Variants in MALRD1 observed in about 807,000 individuals in gnomAD.
MALRD1 encodes MAM and LDL-receptor class A domain-containing protein 1.
Under a neutral mutation model 242.1 loss-of-function variants are expected in MALRD1, and 247 were observed. The observed-to-expected ratio is 1.02, with a 90% CI of 0.92 to 1.13. The LOEUF (loss-of-function observed/expected upper bound fraction) is 1.13. Among genes scored for constraint, MALRD1 ranks in the 50% most tolerant of loss-of-function variants. MALRD1 has a pLI of 0.00. For synonymous variants in MALRD1, 995 were observed against 866.6 expected, an observed-to-expected ratio of 1.15 and a Z score of -2.60; for missense variants, 2,989 against 2,533.1, an observed-to-expected ratio of 1.18 and a Z score of -3.86.
chr10:19,462,358 A>G (rs1564363491), intron 29 of MALRD1, among the ~76,000 whole-genome samples: 1 of 152,236 alleles, frequency 6.6e-6, no homozygotes, highest in Non-Finnish European at 1.5e-5. Flanking sequence ...TACTGAAATT[A>G]TTCAAACTAG....
chr10:19,348,889 A>T (rs1275299710), intron 25 of MALRD1, among the ~76,000 whole-genome samples: 1 of 152,190 alleles, frequency 6.6e-6, no homozygotes, highest in Non-Finnish European at 1.5e-5. Context: ...TTCTGAACAC[A>T]TGTATTCTGA....
intron 2 of MALRD1, among the ~76,000 whole-genome samples, chr10:19,073,700 T>G (rs1225280736): frequency 6.6e-6 from 1 of 152,154 alleles, no homozygotes; most frequent in East Asian, 1.9e-4. Flanking sequence ...TGAAAAAATC[T>G]GAAATCCAAA....
chr10:19,527,976 G>A (rs1018353411), intron 31 of MALRD1, among the ~76,000 whole-genome samples: 2 of 152,060 alleles, frequency 1.3e-5, no homozygotes, highest in African/African-American at 2.4e-5. Context: ...ATAAGCCACC[G>A]TTCATAGTAG....
At chr10:19,136,139 A>G (rs1330600033) in intron 9 of MALRD1, among the ~76,000 whole-genome samples, 1 of 152,208 alleles carries the variant, frequency 6.6e-6, no homozygotes, top group Non-Finnish European at 1.5e-5. Flanking sequence ...AATAAGTCAG[A>G]TGCAGTTACA....
chr10:19,183,988 G>C (rs921413793), intron 14 of MALRD1, among the ~76,000 whole-genome samples: 1 of 152,134 alleles, frequency 6.6e-6, no homozygotes, highest in African/African-American at 2.4e-5. Flanking sequence ...TATGATAACT[G>C]AAGGGCTGAA....
intron 24 of MALRD1, among the ~76,000 whole-genome samples, chr10:19,331,857 A>G (rs898893411): frequency 1.2e-4 from 19 of 152,234 alleles, no homozygotes; most frequent in South Asian, 2.1e-4. Flanking sequence ...AATGGAAACA[A>G]GTATTTTTCA....
chr10:19,525,909 G>T (rs1834078063), intron 31 of MALRD1, among the ~76,000 whole-genome samples: 1 of 152,094 alleles, frequency 6.6e-6, no homozygotes, highest in Non-Finnish European at 1.5e-5. Flanking sequence ...CTGTAAAACA[G>T]TCCAAAATCA....
chr10:19,606,646 A>G (rs555833060), intron 34 of MALRD1, among the ~76,000 whole-genome samples: 2 of 152,236 alleles, frequency 1.3e-5, no homozygotes, highest in African/African-American at 4.8e-5. Context: ...TAGACAGTAG[A>G]GTTATCCCAT....
At chr10:19,505,326 T>TA (rs1213399578) in intron 31 of MALRD1, among the ~76,000 whole-genome samples, 1 of 152,178 alleles carries the variant, frequency 6.6e-6, no homozygotes, top group Non-Finnish European at 1.5e-5. Flanking sequence ...TATTTGGAGA[T>TA]ACGGTCTTTA....
intron 2 of MALRD1, among the ~76,000 whole-genome samples, chr10:19,084,685 A>G (rs1399665782): frequency 6.6e-6 from 1 of 151,912 alleles, no homozygotes; most frequent in East Asian, 1.9e-4. Flanking sequence ...AAGTTATTGG[A>G]TTTAGCTCTC....
chr10:19,293,273 T>TATAC (rs148881865), intron 21 of MALRD1, among the ~76,000 whole-genome samples: 16,040 of 152,190 alleles, frequency 0.11, 952 homozygotes, highest in East Asian at 0.18. Flanking sequence ...ACTGTAGTTA[T>TATAC]ATATACATAT....
intron 36 of MALRD1, among the ~76,000 whole-genome samples, chr10:19,682,010 C>A (rs1478157859): frequency 6.6e-6 from 1 of 151,886 alleles, no homozygotes; most frequent in Non-Finnish European, 1.5e-5. Context: ...TTCTGGGATA[C>A]CAACATTTTA....
At chr10:19,227,313 G>A (rs1837841490) in intron 18 of MALRD1, among the ~76,000 whole-genome samples, 1 of 152,012 alleles carries the variant, frequency 6.6e-6, no homozygotes, top group Non-Finnish European at 1.5e-5. Context: ...GTGAAACAGA[G>A]TAAATAATTT....
chr10:19,592,753 A>ACG (rs1324401460), intron 33 of MALRD1, among the ~76,000 whole-genome samples: 2 of 116,224 alleles, frequency 1.7e-5, no homozygotes, highest in African/African-American at 6.4e-5. Context: ...ACACACACAC[A>ACG]CACACACACG....
At chr10:19,701,763 C>G (rs556203325) in intron 38 of MALRD1, among the ~76,000 whole-genome samples, 4 of 137,604 alleles carry the variant, frequency 2.9e-5, no homozygotes, top group South Asian at 2.7e-4. Context: ...TCTCCCTTCC[C>G]CTTCTCTTCT....
chr10:19,120,397 C>T (rs1202873793), intron 5 of MALRD1, among the ~76,000 whole-genome samples: 1 of 152,116 alleles, frequency 6.6e-6, no homozygotes, highest in African/African-American at 2.4e-5. Flanking sequence ...AGAGGTCAAT[C>T]TTGATATATG....
chr10:19,391,738 A>G (rs914929047), intron 28 of MALRD1, among the ~76,000 whole-genome samples: 4 of 150,818 alleles, frequency 2.7e-5, no homozygotes, highest in Non-Finnish European at 5.9e-5. Context: ...TTGCAGTTCC[A>G]GAAAGATTCC....
intron 31 of MALRD1, among the ~76,000 whole-genome samples, chr10:19,521,761 T>G (rs1269402326): frequency 1.3e-5 from 2 of 152,188 alleles, no homozygotes; most frequent in Admixed American, 6.5e-5. Flanking sequence ...TTTCCACATT[T>G]GAGTTCCATA....
intron 5 of MALRD1, among the ~76,000 whole-genome samples, chr10:19,113,330 C>T (rs1295231982): frequency 6.6e-6 from 1 of 152,180 alleles, no homozygotes; most frequent in Non-Finnish European, 1.5e-5. Context: ...ATCCCATACT[C>T]TGGTCAAAAC....
Sources: gnomAD v4.1 joint callset for allele counts (sites outside exome capture counted in the v4.1 genomes callset) on GRCh38, gnomAD v4.1.1 for gene constraint, MANE v1.5 for transcripts, NCBI Gene and HGNC (gene_info 2026-07-23, HGNC 2026-07-21) for gene names.